The following FAT4 variants were observed in gnomAD, a reference collection of about 807,000 sequenced individuals.
The protein encoded by FAT4 is FAT atypical cadherin 4, also known as protocadherin Fat 4.
FAT4 carries 84 observed loss-of-function variants against 303.9 expected under a neutral mutation model. That is an observed-to-expected ratio of 0.28 (90% confidence interval 0.23 to 0.33). The LOEUF is 0.33. FAT4 is among the 10% of genes least tolerant of loss of function. The probability of loss-of-function intolerance (pLI) is 1.00; values close to 1 mark genes in which losing one functional copy is unlikely to be tolerated. For missense variants in FAT4, 6,005 were observed against 6,146.8 expected (o/e 0.98, Z 0.77); for synonymous variants, 2,307 against 2,298.8 (o/e 1.00, Z -0.10).
At position 125,449,369 on chromosome 4, in the gene FAT4, T is replaced by A. The variant is rs1357795377; in HGVS notation, c.8359T>A (p.Ser2787Thr). The change falls in exon 10 of 18, where the codon TCC (serine) becomes ACC (threonine). Residue 2787 changes from serine (S) to threonine (T), a missense_variant. Transcript: ENST00000394329. ...ATTTAGTGCCCATGTTCCTGAAAAT[T>A]CCCCCTTAGGATACACAGTTACCCG... ...QIFSAHVPEN[S>T]PLGYTVTRVT... 6.2e-7 allele frequency: 1 copy of A among 1,613,702 alleles called. No homozygotes were observed. Among genetic ancestry groups the A allele is most frequent in the Non-Finnish European group, 8.5e-7 (1 of 1,179,838 alleles).
chr4:125,341,185 A>G (rs1731779277), intron 2 of FAT4, among the ~76,000 whole-genome samples: 4 of 152,210 alleles, frequency 2.6e-5, no homozygotes, highest in Admixed American at 2.6e-4. Context: ...TGCAAGAAAA[A>G]AAATGACAAA....
At chr4:125,341,979 T>G (rs1731815465) in intron 2 of FAT4, among the ~76,000 whole-genome samples, 1 of 151,946 alleles carries the variant, frequency 6.6e-6, no homozygotes, top group African/African-American at 2.4e-5. Context: ...ATACACACAG[T>G]TAAGAAAAAT....
At chr4:125,427,571 T>TC (rs895967781) in intron 7 of FAT4, among the ~76,000 whole-genome samples, 2 of 151,476 alleles carry the variant, frequency 1.3e-5, no homozygotes, top group African/African-American at 4.9e-5. Flanking sequence ...TTTTATGTAT[T>TC]TTTTGTATTC....
chr4:125,450,035 G>T lies in FAT4; in HGVS notation c.9025G>T (p.Ala3009Ser). ...TGGTACGAAGTTAATCAGAGTTACA[G>T]CAATAGATGACAAAGATTTTGGACT... ...KVGTKLIRVT[A>S]IDDKDFGLNS... Residue 3009 changes from alanine to serine, a missense_variant, in exon 10 of 18, where the codon GCA becomes TCA. By Grantham distance (99) the Ala-to-Ser change is moderately conservative (BLOSUM62 1). Coordinates refer to ENST00000394329, the MANE Select transcript of FAT4 (RefSeq NM_001291303.3). 2 of 1,613,952 alleles carry T rather than the reference G, an allele frequency of 1.2e-6. No individual in the cohort carries two copies. The highest frequency in any genetic ancestry group is 1.7e-6 in the Non-Finnish European group (2 of 1,179,954).
At chr4:125,393,024 A>G (rs1209487413) in intron 2 of FAT4, among the ~76,000 whole-genome samples, 1 of 152,190 alleles carries the variant, frequency 6.6e-6, no homozygotes. Flanking sequence ...GGACTTGATG[A>G]TATTTAACAT....
chr4:125,439,025 A>T (rs1387678580), intron 8 of FAT4, among the ~76,000 whole-genome samples: 3 of 152,040 alleles, frequency 2.0e-5, no homozygotes, highest in African/African-American at 7.2e-5. Context: ...TTTTACTTCT[A>T]CCTATTTGAT....
rs754141636 is a variant in FAT4 at position 125,320,890 on chromosome 4, G to A, written c.4479G>A (p.Glu1493=). The change falls in exon 2 of 18, where the codon GAG becomes GAA. Residue 1493 remains glutamate (E), a synonymous_variant. Transcript: ENST00000394329. ...ATCGGGAATTTGCTAATCTCTTTGA[G>A]TTGACTGTAAAAGCCAATGATCAAG... ...EIDREFANLF[E]LTVKANDQAV... The A allele has an allele frequency of 4.3e-6, 7 of 1,614,060 alleles. No homozygotes were observed. Among genetic ancestry groups the A allele is most frequent in the African/African-American group, 1.3e-5 (1 of 74,932 alleles).
At chr4:125,381,618 C>G (rs771791723) in intron 2 of FAT4, among the ~76,000 whole-genome samples, 3 of 152,128 alleles carry the variant, frequency 2.0e-5, no homozygotes, top group South Asian at 4.1e-4. Context: ...AGGATCCTAC[C>G]TTAATGTTGA....
At chr4:125,461,404 A>G (rs981169602) in intron 10 of FAT4, among the ~76,000 whole-genome samples, 2 of 152,050 alleles carry the variant, frequency 1.3e-5, no homozygotes, top group Non-Finnish European at 2.9e-5. Flanking sequence ...CAGAGAGCAC[A>G]TATGTCCAAT....
chr4:125,392,363 G>T (rs1201939340), intron 2 of FAT4, among the ~76,000 whole-genome samples: 1 of 152,004 alleles, frequency 6.6e-6, no homozygotes, highest in East Asian at 1.9e-4. Context: ...AATTATTTTT[G>T]CCACTAAACA....
intron 2 of FAT4, among the ~76,000 whole-genome samples, chr4:125,363,845 G>A (rs949990340): frequency 2.6e-5 from 4 of 152,016 alleles, no homozygotes; most frequent in African/African-American, 9.7e-5. Flanking sequence ...AACGATTATG[G>A]ATTATTATAT....
chr4:125,351,337 T>A (rs2125978219), intron 2 of FAT4, among the ~76,000 whole-genome samples: 1 of 151,900 alleles, frequency 6.6e-6, no homozygotes, highest in East Asian at 1.9e-4. Context: ...ATCATAAATT[T>A]CATTTTCATA....
intron 2 of FAT4, among the ~76,000 whole-genome samples, chr4:125,329,186 CT>C (rs900481284): frequency 6.6e-6 from 1 of 152,064 alleles, no homozygotes; most frequent in Non-Finnish European, 1.5e-5. Context: ...TGCAGCAAAA[CT>C]TTTTGAAAGA....
chr4:125,465,429 A>AAGATAAGGGGATT (rs1421662115), intron 11 of FAT4, among the ~76,000 whole-genome samples: 2 of 152,278 alleles, frequency 1.3e-5, no homozygotes, highest in African/African-American at 4.8e-5. Context: ...TTTGAGATAA[A>AAGATAAGGGGATT]AGATAAGGGG....
At chr4:125,431,530 G>T (rs1032621719) in intron 7 of FAT4, among the ~76,000 whole-genome samples, 6 of 152,182 alleles carry the variant, frequency 3.9e-5, no homozygotes, top group African/African-American at 1.4e-4. Flanking sequence ...GTCAATTTCT[G>T]TGAGTTTTTT....
intron 2 of FAT4, among the ~76,000 whole-genome samples, chr4:125,376,954 A>G (rs754993448): frequency 2.6e-5 from 4 of 152,176 alleles, no homozygotes; most frequent in South Asian, 2.1e-4. Flanking sequence ...ACGATTAAAT[A>G]TAGATTTGTT....
rs764177384 is a variant in FAT4, at chr4:125,398,932, T to A, written c.5307+17T>A. On this transcript the variant is annotated intron_variant, in intron 3 of 17. Coordinates refer to ENST00000394329, the MANE Select transcript of FAT4 (RefSeq NM_001291303.3). ...GCTGATGAGGTAGCTCAAGCATGTCTCTGAATTTGTGAAACTTCGTAGTGC... is the reference window on the plus strand; with the variant it reads ...GCTGATGAGGTAGCTCAAGCATGTCACTGAATTTGTGAAACTTCGTAGTGC... The A allele has an allele frequency of 4.3e-6, 7 of 1,612,036 alleles. No homozygotes were observed. The highest frequency in any genetic ancestry group is 5.9e-6 in the Non-Finnish European group (7 of 1,178,602).
At chr4:125,395,568 C>T (rs1734138858) in intron 2 of FAT4, among the ~76,000 whole-genome samples, 1 of 152,152 alleles carries the variant, frequency 6.6e-6, no homozygotes, top group African/African-American at 2.4e-5. Context: ...ATTCCCCTGC[C>T]TAGGCCTCCC....
At position 125,490,202 on chromosome 4, in the gene FAT4, G is replaced by T. The variant is rs1727568857; in HGVS notation, c.13386G>T (p.Arg4462Ser). 1.2e-6 allele frequency: 2 copies of T among 1,614,150 alleles called. No individual in the cohort carries two copies. Among genetic ancestry groups the T allele is most frequent in the African/African-American group, 2.7e-5 (2 of 75,054 alleles). ...TCSCPDSHTG[R>S]TCEMVVACLG... ...GCTGCCCAGACTCGCACACGGGAAGGACCTGTGAGATGGTGGTGGCCTGTC... is the reference window on the plus strand; with the variant it reads ...GCTGCCCAGACTCGCACACGGGAAGTACCTGTGAGATGGTGGTGGCCTGTC... Residue 4462 changes from arginine to serine, a missense_variant, in exon 18 of 18, where the codon AGG becomes AGT. By Grantham distance (110) the Arg-to-Ser change is moderately radical. Transcript: ENST00000394329.
Sources: allele counts gnomAD v4.1 joint callset (sites outside exome capture counted in the v4.1 genomes callset), GRCh38; gene constraint gnomAD v4.1.1; transcripts MANE v1.5; gene names NCBI Gene and HGNC (gene_info 2026-07-23, HGNC 2026-07-21).